Variants in RAPGEF4 observed in about 807,000 individuals in gnomAD.
The protein encoded by RAPGEF4 is RAP guanine-nucleotide-exchange factor (GEF) 4.
A neutral mutation model predicts 147.9 loss-of-function variants in RAPGEF4; 66 were observed. That is an observed-to-expected ratio of 0.45 (90% CI 0.37 to 0.55). The LOEUF is 0.55. Among genes scored for constraint, RAPGEF4 ranks in the 20% least tolerant of loss-of-function variants. The probability of loss-of-function intolerance (pLI) is 0.00; values close to 1 mark genes in which losing one functional copy is unlikely to be tolerated. For missense variants in RAPGEF4, 1,071 were observed against 1,257.3 expected, an observed-to-expected ratio of 0.85 and a Z score of 2.24; for synonymous variants, 419 against 442.7, an observed-to-expected ratio of 0.95 and a Z score of 0.67.
chr2:172,794,358 A>AG (rs1686151454), intron 1 of RAPGEF4, among the ~76,000 whole-genome samples: 1 of 151,500 alleles, frequency 6.6e-6, no homozygotes, highest in Non-Finnish European at 1.5e-5. Flanking sequence ...AAAAAAAAAA[A>AG]AAAAAAAGAA....
chr2:172,976,874 C>T (rs1025114089), intron 10 of RAPGEF4, among the ~76,000 whole-genome samples: 1 of 152,236 alleles, frequency 6.6e-6, no homozygotes, highest in Non-Finnish European at 1.5e-5. Context: ...GTATAAACTG[C>T]TTCCCTATCC....
Position 172,795,035 on chromosome 2 carries a change from C to T in RAPGEF4, c.76C>T (p.Arg26Ter), listed in dbSNP as rs540300991. 1.9e-6 allele frequency: 3 copies of T among 1,613,760 alleles called. No homozygotes were observed. The highest frequency in any genetic ancestry group is 1.1e-5 in the South Asian group (1 of 91,030). ...TTTCTCCCTATACAGACCACTGGAG[C>T]GATCCAGCGAAGATGTGGATATAAT... ...IACLDKRPLE[R>*]SSEDVDIIFT... The change falls in exon 2 of 31, where the codon CGA (arginine) becomes TGA (stop). Residue 26 changes from arginine to a stop codon, truncating the protein, a stop_gained. Coordinates refer to ENST00000397081, the MANE Select transcript of RAPGEF4 (RefSeq NM_007023.4). LOFTEE classifies it high-confidence loss of function.
At chr2:172,771,785 C>A (rs1201313138) in intron 1 of RAPGEF4, among the ~76,000 whole-genome samples, 1 of 152,006 alleles carries the variant, frequency 6.6e-6, no homozygotes, top group African/African-American at 2.4e-5. Context: ...TGTTTATGTG[C>A]ATCTGCAAGT....
At chr2:172,880,716 A>C (rs1392482624) in intron 4 of RAPGEF4, among the ~76,000 whole-genome samples, 1 of 152,258 alleles carries the variant, frequency 6.6e-6, no homozygotes, top group Non-Finnish European at 1.5e-5. Context: ...CTTACTAGCC[A>C]GTGACTTGAC....
chr2:173,007,224 A>G (rs1197390030), intron 17 of RAPGEF4, among the ~76,000 whole-genome samples: 1 of 152,256 alleles, frequency 6.6e-6, no homozygotes, highest in East Asian at 1.9e-4. Context: ...CTATGAGTAC[A>G]AGCCCTTGGC....
Position 172,941,625 on chromosome 2 carries a change from T to A in RAPGEF4, c.538-19135T>A, listed in dbSNP as rs904137266. Among the ~76,000 whole-genome samples, 70 of 152,170 alleles carry A rather than the reference T, an allele frequency of 4.6e-4. 1 individual carries two copies. The highest frequency in any genetic ancestry group is 3.7e-3 in the Admixed American group (57 of 15,268). On this transcript the variant is annotated intron_variant, in intron 6 of 30. Coordinates refer to ENST00000397081, the MANE Select transcript of RAPGEF4 (RefSeq NM_007023.4). ...TGATTAGGGGAGTTAGGGTAGAACC[T>A]GTGTTTATGGGCAGAGATTTCTCTT...
intron 4 of RAPGEF4, among the ~76,000 whole-genome samples, chr2:172,908,574 G>T (rs1389920835): frequency 1.3e-5 from 2 of 152,194 alleles, no homozygotes; most frequent in Non-Finnish European, 2.9e-5. Flanking sequence ...GTAGATCTTT[G>T]AGTGACATCT....
chr2:172,774,531 T>C (rs1683971056), intron 1 of RAPGEF4, among the ~76,000 whole-genome samples: 1 of 152,244 alleles, frequency 6.6e-6, no homozygotes, highest in South Asian at 2.1e-4. Context: ...GTTTGTACTT[T>C]TGCAATTTCT....
At chr2:172,851,876 G>T (rs1692867318) in intron 4 of RAPGEF4, among the ~76,000 whole-genome samples, 1 of 152,138 alleles carries the variant, frequency 6.6e-6, no homozygotes, top group African/African-American at 2.4e-5. Context: ...CCTGAGTGAT[G>T]AAATAATATA....
At chr2:172,951,548 T>C (rs1422697196) in intron 6 of RAPGEF4, among the ~76,000 whole-genome samples, 1 of 151,924 alleles carries the variant, frequency 6.6e-6, no homozygotes, top group Admixed American at 6.6e-5. Flanking sequence ...GAGTGCCAGA[T>C]ATGGGGCAGG....
At chr2:173,000,750 C>CTT (rs1164657530) in intron 16 of RAPGEF4, among the ~76,000 whole-genome samples, 7 of 24,276 alleles carry the variant, frequency 2.9e-4, no homozygotes, top group African/African-American at 5.1e-4. Context: ...TTCTTTCTTT[C>CTT]TTTTTTTTTT....
chr2:172,913,234 C>T lies in RAPGEF4; in HGVS notation c.445-4568C>T, dbSNP rs139716664. Reference sequence around the variant, plus strand: ...AAACTGTCATCAAATCTCCGCCAGCCCCATCAGGCTTCCTCCCAAAATTCA... The same window carrying T: ...AAACTGTCATCAAATCTCCGCCAGCTCCATCAGGCTTCCTCCCAAAATTCA... On this transcript the variant is annotated intron_variant, in intron 4 of 30. Coordinates refer to ENST00000397081, the MANE Select transcript of RAPGEF4 (RefSeq NM_007023.4). 3.0e-3 allele frequency among the ~76,000 whole-genome samples: 464 copies of T among 152,220 alleles called. 3 individuals are homozygous for T. Among genetic ancestry groups the T allele is most frequent in the African/African-American group, 0.01 (434 of 41,534 alleles).
intron 15 of RAPGEF4, among the ~76,000 whole-genome samples, chr2:172,991,264 G>A (rs1459955821): frequency 1.3e-5 from 2 of 152,296 alleles, no homozygotes; most frequent in African/African-American, 2.4e-5. Context: ...GGATATGAAG[G>A]CCCCTGGGTG....
At chr2:172,981,077 T>C (rs182014777) in intron 10 of RAPGEF4, among the ~76,000 whole-genome samples, 14 of 152,330 alleles carry the variant, frequency 9.2e-5, no homozygotes, top group Non-Finnish European at 1.9e-4. Context: ...TATGTCCAGA[T>C]TTTAGAGCGG....
intron 4 of RAPGEF4, among the ~76,000 whole-genome samples, chr2:172,875,289 C>A (rs1265964877): frequency 6.6e-6 from 1 of 151,936 alleles, no homozygotes; most frequent in Non-Finnish European, 1.5e-5. Context: ...TTGTTGCCAT[C>A]GCTTTTGGTG....
intron 4 of RAPGEF4, among the ~76,000 whole-genome samples, chr2:172,915,823 T>C (rs778840013): frequency 1.1e-4 from 16 of 152,054 alleles, no homozygotes; most frequent in Non-Finnish European, 1.6e-4. Flanking sequence ...AAGTTGAATG[T>C]GGAGTATGTG....
chr2:172,982,276 C>T (rs1392891052), intron 10 of RAPGEF4, among the ~76,000 whole-genome samples: 2 of 152,136 alleles, frequency 1.3e-5, no homozygotes, highest in Non-Finnish European at 2.9e-5. Flanking sequence ...GTAATAATTA[C>T]AGTAATATTG....
intron 3 of RAPGEF4, among the ~76,000 whole-genome samples, chr2:172,802,134 G>A (rs1687045407): frequency 1.3e-5 from 2 of 152,306 alleles, no homozygotes; most frequent in Admixed American, 1.3e-4. Flanking sequence ...TGGGTGAAGA[G>A]GTGGACAGTG....
intron 5 of RAPGEF4, among the ~76,000 whole-genome samples, chr2:172,918,740 A>G (rs1171723350): frequency 1.3e-5 from 2 of 152,280 alleles, no homozygotes; most frequent in South Asian, 4.1e-4. Flanking sequence ...GTGTGTACAC[A>G]TATAACAAGA....
Sources: allele counts gnomAD v4.1 joint callset (sites outside exome capture counted in the v4.1 genomes callset), GRCh38; gene constraint gnomAD v4.1.1; transcripts MANE v1.5; gene names NCBI Gene and HGNC (gene_info 2026-07-23, HGNC 2026-07-21).